The following ITGA8 variants were observed in gnomAD, a reference collection of about 807,000 sequenced individuals.
The protein encoded by ITGA8 is integrin alpha-8.
A neutral mutation model predicts 142.3 loss-of-function variants in ITGA8; 91 were observed. The ratio of observed to expected loss-of-function variants is 0.64; its 90% CI spans 0.54 to 0.76. The LOEUF (loss-of-function observed/expected upper bound fraction) is 0.76. Among genes scored for constraint, ITGA8 ranks in the 30% least tolerant of loss-of-function variants. The pLI, the probability that ITGA8 is intolerant of heterozygous loss-of-function variation, is 0.00. For missense variants in ITGA8, 1,406 were observed against 1,327.7 expected, an observed-to-expected ratio of 1.06 and a Z score of -0.92; for synonymous variants, 505 against 485.2, an observed-to-expected ratio of 1.04 and a Z score of -0.54.
chr10:15,680,395 TATTTTAAC>T (rs1834715867), intron 4 of ITGA8, among the ~76,000 whole-genome samples: 1 of 151,980 alleles, frequency 6.6e-6, no homozygotes, highest in Admixed American at 6.6e-5. Context: ...TCATGCACTG[TATTTTAAC>T]AAAATTTGTT....
chr10:15,554,575 A>C (rs1394984868), intron 26 of ITGA8, among the ~76,000 whole-genome samples: 1 of 152,104 alleles, frequency 6.6e-6, no homozygotes, highest in African/African-American at 2.4e-5. Context: ...ACATATGCAC[A>C]TGCACCCAGG....
At chr10:15,648,777 A>G (rs1431294024) in intron 11 of ITGA8, among the ~76,000 whole-genome samples, 1 of 152,136 alleles carries the variant, frequency 6.6e-6, no homozygotes, top group African/African-American at 2.4e-5. Context: ...GTGTTTATCT[A>G]TTGTCTTCAG....
At chr10:15,633,844 T>C (rs1253573321) in intron 13 of ITGA8, among the ~76,000 whole-genome samples, 3 of 152,208 alleles carry the variant, frequency 2.0e-5, no homozygotes, top group African/African-American at 7.2e-5. Flanking sequence ...CCCTTGATAA[T>C]ACAAAGGGTT....
intron 8 of ITGA8, among the ~76,000 whole-genome samples, chr10:15,665,571 T>A (rs1834373170): frequency 1.0e-5 from 1 of 98,296 alleles, no homozygotes; most frequent in South Asian, 5.1e-4. Flanking sequence ...TTTTTGTGTT[T>A]TAGACATGAA....
chr10:15,555,775 A>G (rs1253363898), intron 26 of ITGA8, among the ~76,000 whole-genome samples: 4 of 151,458 alleles, frequency 2.6e-5, no homozygotes, highest in African/African-American at 9.7e-5. Flanking sequence ...GGCTCACTGC[A>G]AGCTCCGCCT....
chr10:15,694,167 T>C (rs1281481324), intron 2 of ITGA8, among the ~76,000 whole-genome samples: 1 of 143,238 alleles, frequency 7.0e-6, no homozygotes, highest in East Asian at 2.0e-4. Flanking sequence ...TAATATATCA[T>C]ATATCAGATA....
At chr10:15,670,520 A>G (rs1490092113) in intron 8 of ITGA8, among the ~76,000 whole-genome samples, 1 of 152,234 alleles carries the variant, frequency 6.6e-6, no homozygotes, top group Non-Finnish European at 1.5e-5. Context: ...CGAGCAACAC[A>G]TGGTCTAGTC....
At chr10:15,614,715 G>T (rs1217329773) in intron 14 of ITGA8, among the ~76,000 whole-genome samples, 13 of 152,128 alleles carry the variant, frequency 8.5e-5, no homozygotes, top group Non-Finnish European at 7.4e-5. Flanking sequence ...AAGAAGAAGG[G>T]CTGTGTCTTG....
intron 23 of ITGA8, among the ~76,000 whole-genome samples, chr10:15,585,761 C>G (rs1240364103): frequency 1.3e-5 from 2 of 152,086 alleles, no homozygotes; most frequent in South Asian, 2.1e-4. Flanking sequence ...TTTCCTTGAC[C>G]CTTTTCCCCC....
intron 22 of ITGA8, among the ~76,000 whole-genome samples, chr10:15,590,425 C>T (rs181856448): frequency 3.4e-4 from 52 of 152,212 alleles, no homozygotes; most frequent in East Asian, 1.2e-3. Flanking sequence ...CAACCAAGAG[C>T]GAGGAGGAAA....
intron 22 of ITGA8, among the ~76,000 whole-genome samples, chr10:15,586,888 T>G (rs1357499762): frequency 6.6e-6 from 1 of 152,154 alleles, no homozygotes; most frequent in Non-Finnish European, 1.5e-5. Context: ...AAGAGACACT[T>G]TATCTGGAAA....
chr10:15,655,074 T>C (rs1834157439), intron 11 of ITGA8, among the ~76,000 whole-genome samples: 1 of 144,666 alleles, frequency 6.9e-6, no homozygotes, highest in Admixed American at 7.4e-5. Context: ...TCAATGGCTA[T>C]GAATTTTGAA....
intron 14 of ITGA8, among the ~76,000 whole-genome samples, chr10:15,614,887 T>C (rs1833365013): frequency 6.6e-6 from 1 of 152,078 alleles, no homozygotes; most frequent in Non-Finnish European, 1.5e-5. Flanking sequence ...AAAACGGAAC[T>C]AGATATGCAA....
At chr10:15,542,828 G>A (rs920817895) in intron 27 of ITGA8, among the ~76,000 whole-genome samples, 1 of 152,174 alleles carries the variant, frequency 6.6e-6, no homozygotes. Flanking sequence ...AGAATTAAAT[G>A]AGTCATTCAT....
chr10:15,661,524 T>C (rs1379869846), intron 8 of ITGA8, among the ~76,000 whole-genome samples: 1 of 152,228 alleles, frequency 6.6e-6, no homozygotes, highest in Non-Finnish European at 1.5e-5. Context: ...TGTCATACTT[T>C]GTCATACTTT....
intron 13 of ITGA8, among the ~76,000 whole-genome samples, chr10:15,632,728 CT>C (rs984776465): frequency 7.2e-4 from 107 of 149,532 alleles, no homozygotes; most frequent in East Asian, 2.2e-3. Flanking sequence ...CAAATCTGGG[CT>C]TTTTTTTTTC....
intron 29 of ITGA8, among the ~76,000 whole-genome samples, chr10:15,519,027 G>A (rs1242230899): frequency 1.3e-5 from 2 of 152,138 alleles, no homozygotes; most frequent in East Asian, 3.8e-4. Flanking sequence ...AGTTAATACA[G>A]CCTAACTCTC....
In ITGA8 at chr10:15,691,824, A is replaced by G. The variant is rs546562007; in HGVS notation, c.344-3786T>C. 3.3e-5 allele frequency among the ~76,000 whole-genome samples: 5 copies of G among 152,348 alleles called. No homozygotes were observed. In the East Asian group the frequency reaches 9.6e-4, roughly 29 times the overall value. On this transcript the variant is annotated intron_variant, in intron 2 of 29. Transcript: ENST00000378076. ...AATAGATTTTAAACATTCTTAATAT[A>G]CACACACATATACACAAAAGGCAAC...
intron 28 of ITGA8, 57 bp from the exon 29 acceptor site, chr10:15,519,469 A>C (rs1564333276): frequency 1.3e-6 from 2 of 1,575,530 alleles, no homozygotes; most frequent in South Asian, 2.2e-5. Context: ...GGTGAAATAA[A>C]ATAGTAATTA....
Sources: gnomAD v4.1 joint callset for allele counts (sites outside exome capture counted in the v4.1 genomes callset) on GRCh38, gnomAD v4.1.1 for gene constraint, MANE v1.5 for transcripts, NCBI Gene and HGNC (gene_info 2026-07-23, HGNC 2026-07-21) for gene names.